Variants in ADGRF4 observed in about 807,000 individuals in gnomAD.
ADGRF4 encodes G-protein coupled receptor PGR18.
A neutral mutation model predicts 58.5 loss-of-function variants in ADGRF4; 63 were observed. That is an observed-to-expected ratio of 1.08 (90% confidence interval 0.88 to 1.33). The LOEUF is 1.33. Ranked by LOEUF, ADGRF4 falls within the 40% of genes most tolerant of loss-of-function variation. The pLI, the probability that ADGRF4 is intolerant of heterozygous loss-of-function variation, is 0.00. For missense variants in ADGRF4, 931 were observed against 843.9 expected, an observed-to-expected ratio of 1.10 and a Z score of -1.28; for synonymous variants, 313 against 295.4, an observed-to-expected ratio of 1.06 and a Z score of -0.61.
Position 47,714,189 on chromosome 6 carries a change from A to G in ADGRF4, c.944A>G (p.Gln315Arg), listed in dbSNP as rs114630843. ...AHLQNVSLPR[Q>R]VNGLVLSVVL... ...TTGCAAAATGTGAGTCTTCCCAGAC[A>G]GGTAAATGGTCTGGTGCTATCAGTG... The change falls in exon 6 of 10, where the codon CAG (glutamine) becomes CGG (arginine). Residue 315 changes from glutamine (Q) to arginine (R), a missense_variant. Gln to Arg is a conservative substitution (Grantham distance 43). Transcript: ENST00000283303. 1.4e-3 allele frequency: 2,264 copies of G among 1,614,092 alleles called. 20 individuals are homozygous for G. Among genetic ancestry groups the G allele is most frequent in the African/African-American group, 0.014 (1,017 of 75,040 alleles).
intron 1 of ADGRF4, among the ~76,000 whole-genome samples, chr6:47,701,047 G>T (rs991360408): frequency 1.3e-5 from 2 of 152,126 alleles, no homozygotes; most frequent in East Asian, 3.9e-4. Flanking sequence ...TTTAGGCAGC[G>T]GTGTGAAAGT....
chr6:47,704,228 G>A (rs1050146631), intron 1 of ADGRF4, among the ~76,000 whole-genome samples: 2 of 152,010 alleles, frequency 1.3e-5, no homozygotes, highest in Admixed American at 1.3e-4. Flanking sequence ...ATTCTTAGTA[G>A]AGATGGGGTT....
rs560356963 is a variant in ADGRF4, at chr6:47,721,777, T to G, written c.*572T>G. The stretch of plus-strand genomic sequence containing the variant: ...GGGAACGGAAGAAAAGCAAGAGAAC[T>G]GTTTAATATGCTGATTATTTTAGTC... On this transcript the variant is annotated 3_prime_UTR_variant, in exon 10 of 10. Transcript: ENST00000283303. 5 of 152,126 alleles carry G rather than the reference T, an allele frequency of 3.3e-5. No homozygotes were observed. Among genetic ancestry groups the G allele is most frequent in the African/African-American group, 9.7e-5 (4 of 41,420 alleles). The allele number at this position is 152,126 out of a possible 1,614,324, so 9.4% of individuals were successfully genotyped here. A position where few individuals can be genotyped will look rare whatever the true frequency, so the allele number is the denominator to read the frequency against.
intron 5 of ADGRF4, 35 bp downstream of exon 5, chr6:47,712,643 T>C: frequency 6.6e-7 from 1 of 1,509,956 alleles, no homozygotes; most frequent in Non-Finnish European, 9.1e-7. Context: ...ATGATGTTTT[T>C]CTTAAAATTT....
chr6:47,716,840 A>T lies in ADGRF4; in HGVS notation c.1967A>T (p.Asp656Val), dbSNP rs1772030996. 6.3e-7 allele frequency: 1 copy of T among 1,598,584 alleles called. No homozygotes were observed. Among genetic ancestry groups the T allele is most frequent in the Non-Finnish European group, 8.5e-7 (1 of 1,171,868 alleles). The change falls in exon 7 of 10, where the codon GAT (aspartate) becomes GTT (valine). Residue 656 changes from aspartate to valine, a missense_variant. By Grantham distance (152) the Asp-to-Val change is radical (BLOSUM62 -3). Coordinates refer to ENST00000283303, the MANE Select transcript of ADGRF4 (RefSeq NM_153838.5). ...ATCCTGCTGTTTGGAACCATTATGG[A>T]TCACAAGGTAATTTGAATTTGCTTC... ...FFILLFGTIM[D>V]HKIRDALRMR...
chr6:47,702,427 A>G (rs1771611476), intron 1 of ADGRF4, among the ~76,000 whole-genome samples: 1 of 152,258 alleles, frequency 6.6e-6, no homozygotes, highest in Non-Finnish European at 1.5e-5. Flanking sequence ...TACTAAAAGT[A>G]GAGCAGTCCC....
chr6:47,719,895 C>T (rs1317139029), intron 9 of ADGRF4, among the ~76,000 whole-genome samples: 2 of 152,206 alleles, frequency 1.3e-5, no homozygotes, highest in African/African-American at 2.4e-5. Flanking sequence ...AAGAAGTCTT[C>T]ATCACATAAT....
intron 1 of ADGRF4, 87 bp from the exon 2 acceptor site, chr6:47,707,143 C>T: frequency 1.3e-6 from 1 of 773,800 alleles, no homozygotes; most frequent in Non-Finnish European, 2.3e-6. Context: ...CTAGTGGGTT[C>T]ACTAAGGGGT....
At chr6:47,718,112 T>C (rs1772070191) in intron 8 of ADGRF4, among the ~76,000 whole-genome samples, 1 of 152,250 alleles carries the variant, frequency 6.6e-6, no homozygotes, top group Non-Finnish European at 1.5e-5. Context: ...TTCTTCGTCT[T>C]TTAACGTTTC....
rs1403898113 is a variant in ADGRF4, at chr6:47,710,786, C to G, written c.200C>G (p.Ala67Gly). The change falls in exon 4 of 10, where the codon GCT (alanine) becomes GGT (glycine). Residue 67 changes from alanine to glycine, a missense_variant. Coordinates refer to ENST00000283303, the MANE Select transcript of ADGRF4 (RefSeq NM_153838.5). ...ISSSNCSQPC[A>G]KDFHGEIGFT... ...TCTTCCAACTGCAGCCAGCCCTGTG[C>G]TAAGGACTTTCATGGAGAAATAGGA... 6.2e-7 allele frequency: 1 copy of G among 1,613,296 alleles called. No homozygotes were observed. Among genetic ancestry groups the G allele is most frequent in the Admixed American group, 1.7e-5 (1 of 59,958 alleles).
At chr6:47,707,992 G>A (rs1771760837) in intron 2 of ADGRF4, among the ~76,000 whole-genome samples, 1 of 152,082 alleles carries the variant, frequency 6.6e-6, no homozygotes, top group African/African-American at 2.4e-5. Context: ...ACCTAGAAAG[G>A]CCAAGTGACC....
In ADGRF4 at chr6:47,718,387, A is replaced by T; in HGVS notation, c.2035-2A>T. On this transcript the variant is annotated splice_acceptor_variant, in intron 8 of 9. Coordinates refer to ENST00000283303, the MANE Select transcript of ADGRF4 (RefSeq NM_153838.5). LOFTEE classifies it high-confidence loss of function. The stretch of plus-strand genomic sequence containing the variant: ...CACTACTGTTATTTTTCCCCCACTT[A>T]GAATGCATCACTAGGCCCAACCAAT... The T allele has an allele frequency of 6.6e-7, 1 of 1,521,212 alleles. No individual in the cohort carries two copies. The highest frequency in any genetic ancestry group is 2.3e-5 in the East Asian group (1 of 44,412). The allele number at this position is 1,521,212 out of a possible 1,614,324, so 94.2% of individuals were successfully genotyped here.
At position 47,710,807 on chromosome 6, in the gene ADGRF4, T is replaced by A. The variant is rs554308397; in HGVS notation, c.221T>A (p.Ile74Lys). ...QPCAKDFHGEIGFTCNQKKWQ... is the reference protein window; with the variant it reads ...QPCAKDFHGEKGFTCNQKKWQ... ...TGTGCTAAGGACTTTCATGGAGAAA[T>A]AGGATTTACATGTAATCAAAAAAAG... is the stretch of plus-strand genomic sequence containing the variant. Residue 74 changes from isoleucine (I) to lysine (K), a missense_variant, in exon 4 of 10, where the codon ATA becomes AAA. By Grantham distance (102) the Ile-to-Lys change is moderately radical. Transcript: ENST00000283303. 4 of 1,613,830 alleles carry A rather than the reference T, an allele frequency of 2.5e-6. No homozygotes were observed. The Admixed American group carries it at 6.7e-5, about 27-fold the overall frequency.
At chr6:47,718,898 T>C (rs1453303426) in intron 9 of ADGRF4, among the ~76,000 whole-genome samples, 1 of 152,134 alleles carries the variant, frequency 6.6e-6, no homozygotes, top group Non-Finnish European at 1.5e-5. Context: ...CTGAGACATA[T>C]TTCTACACAG....
chr6:47,715,223 A>G, intron 6 of ADGRF4, 46 bp downstream of exon 6: 1 of 1,315,512 alleles, frequency 7.6e-7, no homozygotes. Context: ...CGACTAGACC[A>G]CAAAAAAATG....
At chr6:47,708,162 A>C (rs1484184086) in intron 2 of ADGRF4, 62 bp from the exon 3 acceptor site, 1 of 1,248,984 alleles carries the variant, frequency 8.0e-7, no homozygotes, top group Non-Finnish European at 1.2e-6. Context: ...GGAGCCTCTA[A>C]GCTGAGATGA....
At chr6:47,720,600 G>A (rs114480551) in intron 9 of ADGRF4, among the ~76,000 whole-genome samples, 497 of 152,234 alleles carry the variant, frequency 3.3e-3, no homozygotes, top group African/African-American at 0.011. Flanking sequence ...GATTCTCATT[G>A]GGAACCCCAT....
Position 47,717,363 on chromosome 6 carries a change from C to G in ADGRF4, c.2034+12C>G. The G allele has an allele frequency of 6.3e-7, 1 of 1,591,788 alleles. No homozygotes were observed. The highest frequency in any genetic ancestry group is 2.2e-5 in the East Asian group (1 of 44,752). Reference sequence around the variant, plus strand: ...CGAGGGCAGCTGAGGTAAGCCTTCCCCTTTTAGTCTCAGCCCTGGAGAGTC... The same window carrying G: ...CGAGGGCAGCTGAGGTAAGCCTTCCGCTTTTAGTCTCAGCCCTGGAGAGTC... On this transcript the variant is annotated intron_variant, in intron 8 of 9. Coordinates refer to ENST00000283303, the MANE Select transcript of ADGRF4 (RefSeq NM_153838.5).
Position 47,714,766 on chromosome 6 carries a change from T to C in ADGRF4, c.1521T>C (p.Arg507=). 6.2e-7 allele frequency: 1 copy of C among 1,614,006 alleles called. No homozygotes were observed. The highest frequency in any genetic ancestry group is 8.5e-7 in the Non-Finnish European group (1 of 1,179,870). ...LIIYGILVIF[R]RMMKSRMMVI... is the part of the protein sequence containing the mutation. ...TTTATGGAATATTGGTCATTTTCCGTAGGATGATGAAGTCCCGAATGATGG... is the reference window on the plus strand; with the variant it reads ...TTTATGGAATATTGGTCATTTTCCGCAGGATGATGAAGTCCCGAATGATGG... Residue 507 remains arginine (R), a synonymous_variant, in exon 6 of 10, where the codon CGT becomes CGC. Coordinates refer to ENST00000283303, the MANE Select transcript of ADGRF4 (RefSeq NM_153838.5).
Sources: allele counts gnomAD v4.1 joint callset (sites outside exome capture counted in the v4.1 genomes callset), GRCh38; gene constraint gnomAD v4.1.1; transcripts MANE v1.5; gene names NCBI Gene and HGNC (gene_info 2026-07-23, HGNC 2026-07-21).